Variants in LAMA2 observed in about 807,000 individuals in gnomAD.
LAMA2 encodes laminin subunit alpha-2.
Under a neutral mutation model 364.8 loss-of-function variants are expected in LAMA2, and 269 were observed. The observed-to-expected ratio is 0.74, with a 90% CI of 0.67 to 0.82. LAMA2 has a LOEUF of 0.82. LAMA2 is among the 40% of genes least tolerant of loss of function. LAMA2 has a pLI of 0.00. For missense variants in LAMA2, 3,807 were observed against 3,873.2 expected, an observed-to-expected ratio of 0.98 and a Z score of 0.45; for synonymous variants, 1,379 against 1,370.6, an observed-to-expected ratio of 1.01 and a Z score of -0.14.
chr6:128,903,631 T>G (rs779927181), intron 1 of LAMA2, among the ~76,000 whole-genome samples: 6 of 152,214 alleles, frequency 3.9e-5, no homozygotes, highest in Non-Finnish European at 7.3e-5. Context: ...TAAGCTGTAA[T>G]TGTAGCTTTC....
chr6:129,206,050 A>AGGAAG (rs148493751), intron 12 of LAMA2, among the ~76,000 whole-genome samples: 22,041 of 126,742 alleles, frequency 0.17, 3,561 homozygotes, highest in African/African-American at 0.39. Context: ...AAAGAAAAAA[A>AGGAAG]GGAAGGGAAG....
chr6:129,040,711 CAGA>C lies in LAMA2; in HGVS notation c.113-9201_113-9199del, dbSNP rs1490379680. Among the ~76,000 whole-genome samples, 51 of 152,150 alleles carry C rather than the reference CAGA, an allele frequency of 3.4e-4. 1 individual carries two copies. The highest frequency in any genetic ancestry group is 2.0e-4 in the Admixed American group (3 of 15,282). ...TGATTTGCAAGTGGCCTTCAGGAGG[CAGA>C]AGAAGGCTACTTGTCTTTCCCCAGT... On this transcript the variant is annotated intron_variant, in intron 1 of 64. Coordinates refer to ENST00000421865, the MANE Select transcript of LAMA2 (RefSeq NM_000426.4).
chr6:129,213,391 C>A (rs936968643), intron 12 of LAMA2, among the ~76,000 whole-genome samples: 2 of 152,114 alleles, frequency 1.3e-5, no homozygotes, highest in Non-Finnish European at 2.9e-5. Flanking sequence ...TGGGTAAATA[C>A]CAAAGAGTGC....
At chr6:129,299,440 G>A (rs116155067) in intron 21 of LAMA2, among the ~76,000 whole-genome samples, 1,950 of 152,108 alleles carry the variant, frequency 0.013, 49 homozygotes, top group African/African-American at 0.045. Flanking sequence ...ATCTTTATTA[G>A]TTTTATTAAT....
At chr6:129,116,765 A>C (rs1308687060) in intron 4 of LAMA2, among the ~76,000 whole-genome samples, 1 of 152,100 alleles carries the variant, frequency 6.6e-6, no homozygotes, top group East Asian at 1.9e-4. Flanking sequence ...TAAAGAAATT[A>C]AGGACTTGCA....
chr6:129,099,125 G>GTTTTTTTTTTTTTTTTTTTTTTTTTT, intron 4 of LAMA2, among the ~76,000 whole-genome samples: 1 of 129,802 alleles, frequency 7.7e-6, no homozygotes, highest in South Asian at 2.4e-4. Context: ...TTTTTTTTTT[G>GTTTTTTTTTTTTTTTTTTTTTTTTTT]TTTTTTTTTT....
chr6:128,932,627 C>G (rs114225039), intron 1 of LAMA2, among the ~76,000 whole-genome samples: 282 of 152,204 alleles, frequency 1.9e-3, no homozygotes, highest in African/African-American at 6.5e-3. Flanking sequence ...TCTAGGTGAC[C>G]ACCTGTAGGA....
At chr6:129,013,909 G>C (rs1019793066) in intron 1 of LAMA2, among the ~76,000 whole-genome samples, 5 of 152,110 alleles carry the variant, frequency 3.3e-5, no homozygotes, top group Admixed American at 6.6e-5. Context: ...TCATGAAAAT[G>C]GGAAAAAGCA....
At position 129,516,119 on chromosome 6, in the gene LAMA2, CT is replaced by C. The variant is rs1344851100; in HGVS notation, c.9212-68del. The C allele has an allele frequency of 4.6e-6, 7 of 1,534,464 alleles. No homozygotes were observed. In the African/African-American group the frequency reaches 9.5e-5, roughly 21 times the overall value. ...AATTTAATCTCAAGCTAACAGTTGA[CT>C]TTGAAACATGCTCTTAATATTTGGT... On this transcript the variant is annotated intron_variant, in intron 64 of 64. Coordinates refer to ENST00000421865, the MANE Select transcript of LAMA2 (RefSeq NM_000426.4).
chr6:129,072,737 A>G (rs1242063316), intron 3 of LAMA2, among the ~76,000 whole-genome samples: 1 of 151,978 alleles, frequency 6.6e-6, no homozygotes, highest in Non-Finnish European at 1.5e-5. Context: ...TATTACTCAT[A>G]CTAATTACCA....
intron 4 of LAMA2, among the ~76,000 whole-genome samples, chr6:129,104,198 A>G (rs1383809541): frequency 6.6e-6 from 1 of 151,280 alleles, no homozygotes; most frequent in South Asian, 2.1e-4. Context: ...GGGTCTTGCT[A>G]TGTTGCCCAG....
chr6:129,223,412 T>G (rs1784015985), intron 12 of LAMA2, among the ~76,000 whole-genome samples: 1 of 152,242 alleles, frequency 6.6e-6, no homozygotes, highest in African/African-American at 2.4e-5. Context: ...CAAAAAGTCC[T>G]TACCCATGCC....
intron 30 of LAMA2, among the ~76,000 whole-genome samples, chr6:129,346,129 G>C (rs993287975): frequency 6.6e-6 from 1 of 152,138 alleles, no homozygotes; most frequent in Non-Finnish European, 1.5e-5. Context: ...TTATGACGGA[G>C]TGGCAGTGCT....
intron 1 of LAMA2, among the ~76,000 whole-genome samples, chr6:128,901,422 T>A (rs1777072684): frequency 6.6e-6 from 1 of 152,348 alleles, no homozygotes; most frequent in East Asian, 1.9e-4. Flanking sequence ...TTAAGCTAAG[T>A]CATTCATTTT....
chr6:129,489,286 A>G (rs1348880884), intron 56 of LAMA2, among the ~76,000 whole-genome samples: 2 of 152,192 alleles, frequency 1.3e-5, no homozygotes, highest in Non-Finnish European at 2.9e-5. Flanking sequence ...CTGGGGGCCA[A>G]GCTTCTCAAG....
intron 18 of LAMA2, 95 bp from the exon 19 acceptor site, chr6:129,287,752 C>T: frequency 9.5e-7 from 1 of 1,057,012 alleles, no homozygotes; most frequent in Non-Finnish European, 1.5e-6. Flanking sequence ...AAAGGAAAAT[C>T]CATCATCCTG....
chr6:129,050,865 C>G (rs1484136329), intron 2 of LAMA2, among the ~76,000 whole-genome samples: 3 of 152,154 alleles, frequency 2.0e-5, no homozygotes, highest in Non-Finnish European at 4.4e-5. Flanking sequence ...AGCCCTCTTT[C>G]CAGCCTCTAT....
intron 52 of LAMA2, among the ~76,000 whole-genome samples, chr6:129,474,460 A>G (rs1783969784): frequency 2.0e-5 from 3 of 152,282 alleles, no homozygotes; most frequent in African/African-American, 7.2e-5. Context: ...AGTCAGAAAA[A>G]CATTACAAAT....
intron 4 of LAMA2, among the ~76,000 whole-genome samples, chr6:129,130,011 G>A (rs552591905): frequency 1.3e-5 from 2 of 152,172 alleles, no homozygotes; most frequent in East Asian, 3.9e-4. Context: ...CTGTTAGGAG[G>A]AAGCATTATT....
Sources: allele counts gnomAD v4.1 joint callset (sites outside exome capture counted in the v4.1 genomes callset), GRCh38; gene constraint gnomAD v4.1.1; transcripts MANE v1.5; gene names NCBI Gene and HGNC (gene_info 2026-07-23, HGNC 2026-07-21).